The following ABTB3 variants were observed in gnomAD, a reference collection of about 807,000 sequenced individuals.
The protein encoded by ABTB3 is ankyrin repeat- and BTB/POZ domain-containing protein 3.
the ABTB3 span, among the ~76,000 whole-genome samples, chr12:107,518,257 C>T: frequency 3.3e-5 from 5 of 152,160 alleles, no homozygotes; most frequent in African/African-American, 9.7e-5. Flanking sequence ...CATCCCATTA[C>T]TGGGTATATA....
the ABTB3 span, among the ~76,000 whole-genome samples, chr12:107,503,584 C>T: frequency 6.6e-6 from 1 of 151,042 alleles, no homozygotes; most frequent in Admixed American, 6.6e-5. Context: ...ATGATGAGAC[C>T]CCGTCTATAC....
At chr12:107,624,105 G>A in the ABTB3 span, among the ~76,000 whole-genome samples, 4 of 152,052 alleles carry the variant, frequency 2.6e-5, no homozygotes, top group Admixed American at 1.3e-4. Flanking sequence ...AGATTGCACT[G>A]GGCCAGGGAA....
At chr12:107,391,820 C>T in the ABTB3 span, among the ~76,000 whole-genome samples, 1 of 152,148 alleles carries the variant, frequency 6.6e-6, no homozygotes, top group Non-Finnish European at 1.5e-5. Flanking sequence ...GGCTCCTGCA[C>T]CTGTGTGTGA....
chr12:107,531,911 C>G, the ABTB3 span, among the ~76,000 whole-genome samples: 1 of 152,146 alleles, frequency 6.6e-6, no homozygotes, highest in Non-Finnish European at 1.5e-5. Context: ...CAGCTGGACC[C>G]AGCAATGCAG....
the ABTB3 span, chr12:107,319,918 G>A: frequency 2.0e-6 from 3 of 1,465,894 alleles, no homozygotes; most frequent in East Asian, 5.7e-5. Flanking sequence ...CAGTCCCGCC[G>A]GCAGCCGCCG....
the ABTB3 span, among the ~76,000 whole-genome samples, chr12:107,608,054 G>T: frequency 6.6e-6 from 1 of 152,146 alleles, no homozygotes; most frequent in African/African-American, 2.4e-5. Flanking sequence ...TCCCGCCCTC[G>T]GAGTCAGCAA....
At chr12:107,656,353 A>T in the ABTB3 span, among the ~76,000 whole-genome samples, 1 of 152,106 alleles carries the variant, frequency 6.6e-6, no homozygotes, top group Admixed American at 6.5e-5. Flanking sequence ...ATAATCTAGG[A>T]CAAGGTTCAG....
chr12:107,565,367 A>G, the ABTB3 span, among the ~76,000 whole-genome samples: 5 of 152,088 alleles, frequency 3.3e-5, no homozygotes, highest in Admixed American at 6.5e-5. Context: ...AATTCTGACT[A>G]TATGTGCTGT....
chr12:107,537,526 A>G, the ABTB3 span, among the ~76,000 whole-genome samples: 2 of 152,228 alleles, frequency 1.3e-5, no homozygotes, highest in East Asian at 3.9e-4. Context: ...TCAACTGAAA[A>G]GGAAAAAAAA....
the ABTB3 span, among the ~76,000 whole-genome samples, chr12:107,429,894 T>C: frequency 2.0e-5 from 3 of 152,250 alleles, no homozygotes; most frequent in Non-Finnish European, 2.9e-5. Context: ...AGACAGACTT[T>C]GCAGCCTTAC....
At chr12:107,503,772 A>AAAAAAAAAAAAAAAG in the ABTB3 span, among the ~76,000 whole-genome samples, 1 of 148,118 alleles carries the variant, frequency 6.8e-6, no homozygotes, top group African/African-American at 2.5e-5. Context: ...AAAAAAAAAA[A>AAAAAAAAAAAAAAAG]AAGAAGAAGA....
chr12:107,434,226 G>A, the ABTB3 span, among the ~76,000 whole-genome samples: 1 of 152,220 alleles, frequency 6.6e-6, no homozygotes, highest in East Asian at 1.9e-4. Flanking sequence ...GCTGGGATAT[G>A]TATACACCAG....
chr12:107,450,070 C>T, the ABTB3 span, among the ~76,000 whole-genome samples: 6 of 151,866 alleles, frequency 4.0e-5, no homozygotes, highest in African/African-American at 7.3e-5. Context: ...GCTGTCCCAA[C>T]GATTAATGTG....
the ABTB3 span, among the ~76,000 whole-genome samples, chr12:107,338,484 T>C: frequency 6.6e-6 from 1 of 152,352 alleles, no homozygotes; most frequent in East Asian, 1.9e-4. Context: ...GGCAAATGTT[T>C]GATTCCACTC....
chr12:107,328,850 CG>C, the ABTB3 span, among the ~76,000 whole-genome samples: 1 of 152,272 alleles, frequency 6.6e-6, no homozygotes, highest in African/African-American at 2.4e-5. Flanking sequence ...GCCTGAGGGG[CG>C]TGTGGGGTAG....
chr12:107,541,184 G>A, the ABTB3 span, among the ~76,000 whole-genome samples: 1 of 152,224 alleles, frequency 6.6e-6, no homozygotes, highest in African/African-American at 2.4e-5. Flanking sequence ...CAGGAAGCCA[G>A]GAGATGAGTC....
chr12:107,360,026 C>T, the ABTB3 span, among the ~76,000 whole-genome samples: 2 of 152,078 alleles, frequency 1.3e-5, no homozygotes, highest in Non-Finnish European at 2.9e-5. Flanking sequence ...ATCAGGTGCC[C>T]ACCACGTGCC....
chr12:107,523,627 C>T, the ABTB3 span, among the ~76,000 whole-genome samples: 2 of 151,760 alleles, frequency 1.3e-5, no homozygotes, highest in African/African-American at 4.8e-5. Context: ...GTCAGATGAC[C>T]CCATGATTTG....
the ABTB3 span, among the ~76,000 whole-genome samples, chr12:107,390,038 G>T: frequency 6.6e-6 from 1 of 152,080 alleles, no homozygotes; most frequent in African/African-American, 2.4e-5. Context: ...CTCAAAAGCA[G>T]AAGCTGCCAT....
Sources: allele counts gnomAD v4.1 joint callset (sites outside exome capture counted in the v4.1 genomes callset), GRCh38; gene constraint gnomAD v4.1.1; transcripts MANE v1.5; gene names NCBI Gene and HGNC (gene_info 2026-07-23, HGNC 2026-07-21).